EBF2: variants seen among roughly 807,000 people sequenced by gnomAD.
EBF2 encodes the protein transcription factor COE2.
EBF2 carries 21 observed loss-of-function variants against 72.8 expected under a neutral mutation model. The observed-to-expected ratio is 0.29, with a 90% CI of 0.20 to 0.42. EBF2 has a LOEUF of 0.42. Among genes scored for constraint, EBF2 ranks in the 10% least tolerant of loss-of-function variants. EBF2 has a pLI of 1.00. For synonymous variants in EBF2, 299 were observed against 274.2 expected (o/e 1.09, Z -0.89); for missense variants, 637 against 731.2 (o/e 0.87, Z 1.49).
intron 7 of EBF2, among the ~76,000 whole-genome samples, chr8:25,903,187 GTTT>G (rs542446501): frequency 1.5e-5 from 2 of 132,502 alleles, no homozygotes; most frequent in African/African-American, 2.8e-5. Flanking sequence ...TTTTGTCTGG[GTTT>G]TTTTTTTTTT....
chr8:25,956,753 C>T (rs571547966), intron 6 of EBF2, among the ~76,000 whole-genome samples: 9 of 152,292 alleles, frequency 5.9e-5, no homozygotes, highest in South Asian at 2.1e-4. Flanking sequence ...GTTGTGATGG[C>T]GACATTTTAA....
At chr8:25,964,774 C>T (rs1350459480) in intron 6 of EBF2, among the ~76,000 whole-genome samples, 5 of 152,150 alleles carry the variant, frequency 3.3e-5, no homozygotes, top group Non-Finnish European at 7.4e-5. Flanking sequence ...GGCTACAGTC[C>T]AAGAGCTCTG....
chr8:25,984,267 TGTGA>T (rs774921315), intron 6 of EBF2, among the ~76,000 whole-genome samples: 2 of 152,178 alleles, frequency 1.3e-5, no homozygotes, highest in Non-Finnish European at 2.9e-5. Flanking sequence ...GCTGACTTAA[TGTGA>T]GTGTCAGATT....
At chr8:26,005,578 A>AGAGAGAGAGAGT (rs1401732031) in intron 6 of EBF2, among the ~76,000 whole-genome samples, 1 of 76,460 alleles carries the variant, frequency 1.3e-5, no homozygotes, top group East Asian at 3.8e-4. Flanking sequence ...AGAGAGAGAG[A>AGAGAGAGAGAGT]GGTATTTTGG....
intron 7 of EBF2, among the ~76,000 whole-genome samples, chr8:25,903,071 A>G (rs987543919): frequency 2.6e-5 from 4 of 151,866 alleles, no homozygotes; most frequent in African/African-American, 9.7e-5. Flanking sequence ...TTTAATTTTT[A>G]TGGATACGTA....
intron 4 of EBF2, 49 bp from the exon 5 acceptor site, chr8:26,040,150 G>A (rs200942973): frequency 7.6e-6 from 12 of 1,582,092 alleles, no homozygotes; most frequent in Non-Finnish European, 1.0e-5. Flanking sequence ...AGGGGTGGGG[G>A]GCAAGGAAAG....
chr8:25,871,566 A>T (rs2117273896), intron 10 of EBF2, among the ~76,000 whole-genome samples: 1 of 152,348 alleles, frequency 6.6e-6, no homozygotes, highest in South Asian at 2.1e-4. Flanking sequence ...ATGAAGTTAA[A>T]TATTACAGAA....
In EBF2 at chr8:25,920,271, T is replaced by C. The variant is rs1343617661; in HGVS notation, c.552-11716A>G. Among the ~76,000 whole-genome samples, 16 of 152,236 alleles carry C rather than the reference T, an allele frequency of 1.1e-4. 1 individual carries two copies. On this transcript the variant is annotated intron_variant, in intron 6 of 15. Coordinates refer to ENST00000520164, the MANE Select transcript of EBF2 (RefSeq NM_022659.4). ...TTTTGAGTGGTTATAATAGGAGGCC[T>C]GGTTTCTCTGTAGTCAGGAACATGT...
chr8:26,024,500 T>C (rs893218875), intron 6 of EBF2, among the ~76,000 whole-genome samples: 3 of 152,144 alleles, frequency 2.0e-5, no homozygotes, highest in African/African-American at 7.2e-5. Context: ...GTAAGAATTT[T>C]ATTCTGCTTT....
intron 6 of EBF2, among the ~76,000 whole-genome samples, chr8:25,909,792 G>A (rs1245204922): frequency 2.0e-5 from 3 of 152,194 alleles, no homozygotes; most frequent in Non-Finnish European, 4.4e-5. Context: ...GAGGAGAGAA[G>A]GGGAATTGGC....
intron 6 of EBF2, among the ~76,000 whole-genome samples, chr8:26,005,272 T>TA (rs557272718): frequency 1.9e-3 from 1 of 538 alleles, no homozygotes; most frequent in Non-Finnish European, 3.7e-3. Flanking sequence ...ATATATAATA[T>TA]ATATAATTAT....
chr8:25,853,356 A>C (rs908356460), intron 14 of EBF2, among the ~76,000 whole-genome samples: 5 of 152,272 alleles, frequency 3.3e-5, no homozygotes, highest in Non-Finnish European at 5.9e-5. Flanking sequence ...AAACGCCCCA[A>C]GAGAAAAATA....
At position 25,943,322 on chromosome 8, in the gene EBF2, A is replaced by G. The variant is rs1201725588; in HGVS notation, c.552-34767T>C. Among the ~76,000 whole-genome samples, 23 of 149,946 alleles carry G rather than the reference A, an allele frequency of 1.5e-4. 1 individual carries two copies. The highest frequency in any genetic ancestry group is 2.2e-4 in the Non-Finnish European group (15 of 67,822). The stretch of plus-strand genomic sequence containing the variant: ...CCCCTGTCTCTACACAAAAAAAAAA[A>G]AAAAAAAAAAAGAAAGAAAGAAAGA... On this transcript the variant is annotated intron_variant, in intron 6 of 15. Coordinates refer to ENST00000520164, the MANE Select transcript of EBF2 (RefSeq NM_022659.4).
intron 6 of EBF2, among the ~76,000 whole-genome samples, chr8:26,010,976 CA>C (rs1804971954): frequency 1.1e-5 from 1 of 93,154 alleles, no homozygotes; most frequent in Non-Finnish European, 2.1e-5. Context: ...TATATGCTTG[CA>C]TATGTGTGCA....
intron 10 of EBF2, among the ~76,000 whole-genome samples, chr8:25,866,092 A>T (rs559625977): frequency 1.3e-5 from 2 of 151,502 alleles, no homozygotes; most frequent in African/African-American, 2.4e-5. Flanking sequence ...AGATATCATT[A>T]TTTTTTTTCT....
chr8:25,853,497 T>C (rs201785383), intron 14 of EBF2, among the ~76,000 whole-genome samples: 1 of 151,500 alleles, frequency 6.6e-6, no homozygotes, highest in Non-Finnish European at 1.5e-5. Flanking sequence ...ACTCACTAAA[T>C]AGAAAAACTT....
chr8:25,844,728 T>C (rs1801797538), intron 15 of EBF2, 88 bp from the exon 16 acceptor site: 1 of 1,485,436 alleles, frequency 6.7e-7, no homozygotes, highest in African/African-American at 1.4e-5. Flanking sequence ...GGGATGGGAA[T>C]GATAGAGTCT....
intron 6 of EBF2, among the ~76,000 whole-genome samples, chr8:25,913,732 C>A (rs968468059): frequency 2.6e-5 from 4 of 152,190 alleles, no homozygotes; most frequent in Admixed American, 6.5e-5. Flanking sequence ...ATGATGGTCA[C>A]ATAAGCAGGC....
chr8:26,020,428 C>T (rs1805186424), intron 6 of EBF2, among the ~76,000 whole-genome samples: 1 of 152,140 alleles, frequency 6.6e-6, no homozygotes, highest in African/African-American at 2.4e-5. Context: ...GTGAAACCAG[C>T]ATTTTATTCT....
Sources: gnomAD v4.1 joint callset for allele counts (sites outside exome capture counted in the v4.1 genomes callset) on GRCh38, gnomAD v4.1.1 for gene constraint, MANE v1.5 for transcripts, NCBI Gene and HGNC (gene_info 2026-07-23, HGNC 2026-07-21) for gene names.